ANXA10: variants seen among roughly 807,000 people sequenced by gnomAD.
ANXA10 encodes annexin A10, also known as annexin 14.
Under a neutral mutation model 53.5 loss-of-function variants are expected in ANXA10, and 49 were observed. The observed-to-expected ratio is 0.92, with a 90% CI of 0.73 to 1.16. The LOEUF (loss-of-function observed/expected upper bound fraction) is 1.16. Ranked by LOEUF, ANXA10 falls within the 50% of genes most tolerant of loss-of-function variation. The pLI is 0.00. For missense variants in ANXA10, 393 were observed against 394.4 expected, an observed-to-expected ratio of 1.00 and a Z score of 0.03; for synonymous variants, 131 against 128.9, an observed-to-expected ratio of 1.02 and a Z score of -0.11.
At chr4:168,093,843 T>G (rs1296187741) in intron 1 of ANXA10, among the ~76,000 whole-genome samples, 1 of 152,204 alleles carries the variant, frequency 6.6e-6, no homozygotes, top group Non-Finnish European at 1.5e-5. Context: ...AATTAGGACT[T>G]AAAAGGCAGC....
chr4:168,165,159 A>T, intron 5 of ANXA10, 88 bp from the exon 6 acceptor site: 1 of 801,644 alleles, frequency 1.2e-6, no homozygotes, highest in Non-Finnish European at 1.9e-6. Context: ...CTTTGTACTC[A>T]CAACTGGGAA....
intron 3 of ANXA10, among the ~76,000 whole-genome samples, chr4:168,159,571 G>A (rs978864257): frequency 6.6e-6 from 1 of 152,072 alleles, no homozygotes; most frequent in Non-Finnish European, 1.5e-5. Flanking sequence ...AATTAACATT[G>A]GGAAATCTAA....
intron 3 of ANXA10, among the ~76,000 whole-genome samples, chr4:168,153,736 C>T (rs190674335): frequency 2.8e-3 from 420 of 152,196 alleles, no homozygotes; most frequent in African/African-American, 9.6e-3. Flanking sequence ...TTTATATCAA[C>T]TCTGCGAGGC....
At chr4:168,179,610 C>T (rs7665320) in intron 9 of ANXA10, among the ~76,000 whole-genome samples, 4,471 of 152,256 alleles carry the variant, frequency 0.029, 209 homozygotes, top group African/African-American at 0.099. Context: ...TGGCTTCTCA[C>T]ACTGTTCAAT....
At chr4:168,099,703 T>A (rs1213145738) in intron 1 of ANXA10, among the ~76,000 whole-genome samples, 1 of 152,108 alleles carries the variant, frequency 6.6e-6, no homozygotes, top group Non-Finnish European at 1.5e-5. Context: ...CTATGCTTGG[T>A]TTTCCTTCAA....
Position 168,164,290 on chromosome 4 carries a change from T to A in ANXA10, c.400+2T>A. Reference sequence around the variant, plus strand: ...AGATGCGAGAAGCCTACTGCTTGCGTAAGGAAATATACATATGTGAATATA... The same window carrying A: ...AGATGCGAGAAGCCTACTGCTTGCGAAAGGAAATATACATATGTGAATATA... On this transcript the variant is annotated splice_donor_variant, in intron 5 of 11. Transcript: ENST00000359299. LOFTEE classifies it high-confidence loss of function. 17 of 1,590,962 alleles carry A rather than the reference T, an allele frequency of 1.1e-5. No homozygotes were observed. Among genetic ancestry groups the A allele is most frequent in the Non-Finnish European group, 1.5e-5 (17 of 1,159,598 alleles).
At chr4:168,183,498 A>G (rs1308448708) in intron 10 of ANXA10, among the ~76,000 whole-genome samples, 1 of 152,232 alleles carries the variant, frequency 6.6e-6, no homozygotes, top group Non-Finnish European at 1.5e-5. Context: ...GAAAATAACT[A>G]CAATTACCTT....
At chr4:168,162,205 T>G (rs1036429966) in intron 3 of ANXA10, among the ~76,000 whole-genome samples, 7 of 152,150 alleles carry the variant, frequency 4.6e-5, no homozygotes, top group African/African-American at 1.7e-4. Context: ...GACCCCCAAT[T>G]AAATGTTTTT....
intron 1 of ANXA10, among the ~76,000 whole-genome samples, chr4:168,108,901 A>C (rs980891880): frequency 2.0e-5 from 3 of 152,186 alleles, no homozygotes; most frequent in African/African-American, 7.2e-5. Flanking sequence ...CTCAGAGAAC[A>C]CTATCACCTC....
chr4:168,175,803 G>A (rs610495), intron 6 of ANXA10, among the ~76,000 whole-genome samples: 24,636 of 152,128 alleles, frequency 0.16, 2,254 homozygotes, highest in Non-Finnish European at 0.21. Flanking sequence ...TACAACTTTT[G>A]AGTTATGATT....
intron 6 of ANXA10, 63 bp downstream of exon 6, chr4:168,165,389 CAAAA>C (rs33925175): frequency 5.6e-3 from 2,228 of 396,824 alleles, no homozygotes; most frequent in Non-Finnish European, 6.3e-3. Context: ...ATGTCATTGC[CAAAA>C]AAAAAAAAAA....
intron 2 of ANXA10, among the ~76,000 whole-genome samples, chr4:168,134,337 T>A (rs1489065122): frequency 6.6e-6 from 1 of 152,142 alleles, no homozygotes; most frequent in Admixed American, 6.6e-5. Context: ...AAATTTACAG[T>A]TATTTTAATT....
At chr4:168,122,458 G>C (rs561542083) in intron 1 of ANXA10, among the ~76,000 whole-genome samples, 62 of 152,278 alleles carry the variant, frequency 4.1e-4, no homozygotes, top group African/African-American at 1.4e-3. Flanking sequence ...CAACTACTGA[G>C]AGAGAATACC....
chr4:168,141,799 G>C (rs1320653697), intron 3 of ANXA10, among the ~76,000 whole-genome samples: 2 of 152,146 alleles, frequency 1.3e-5, no homozygotes, highest in South Asian at 2.1e-4. Flanking sequence ...CACGTTCCCT[G>C]CTCTGTCTCA....
At chr4:168,177,714 A>T in intron 6 of ANXA10, 26 bp from the exon 7 acceptor site, 2 of 1,613,058 alleles carry the variant, frequency 1.2e-6, no homozygotes, top group Non-Finnish European at 1.7e-6. Context: ...GAACATTTAC[A>T]TGGAAAACCT....
Position 168,128,070 on chromosome 4 carries a change from G to A in ANXA10, c.19-14G>A. The stretch of plus-strand genomic sequence containing the variant: ...GAATTATTACAATCACTTTCTCATT[G>A]ATTTTCCCACCAGGTGCAAGGAACC... On this transcript the variant is annotated splice_polypyrimidine_tract_variant and intron_variant, in intron 1 of 11. Transcript: ENST00000359299. The A allele has an allele frequency of 6.2e-7, 1 of 1,605,120 alleles. No homozygotes were observed. Among genetic ancestry groups the A allele is most frequent in the Non-Finnish European group, 8.5e-7 (1 of 1,172,490 alleles).
intron 6 of ANXA10, among the ~76,000 whole-genome samples, chr4:168,173,994 G>A (rs1732069765): frequency 6.6e-6 from 1 of 152,110 alleles, no homozygotes; most frequent in Non-Finnish European, 1.5e-5. Context: ...GGGTGGTGGG[G>A]GAGGAACTAC....
chr4:168,173,227 T>C (rs769922403), intron 6 of ANXA10, among the ~76,000 whole-genome samples: 2 of 151,820 alleles, frequency 1.3e-5, no homozygotes, highest in African/African-American at 2.4e-5. Context: ...TAGAGAAAAA[T>C]GTAAGGTAAG....
At chr4:168,110,976 A>G (rs1374019830) in intron 1 of ANXA10, among the ~76,000 whole-genome samples, 2 of 152,196 alleles carry the variant, frequency 1.3e-5, no homozygotes, top group Non-Finnish European at 2.9e-5. Flanking sequence ...CTAGATAATA[A>G]TATCACTGGT....
Sources: allele counts gnomAD v4.1 joint callset (sites outside exome capture counted in the v4.1 genomes callset), GRCh38; gene constraint gnomAD v4.1.1; transcripts MANE v1.5; gene names NCBI Gene and HGNC (gene_info 2026-07-23, HGNC 2026-07-21).